Variants in PLXDC2 observed in about 807,000 individuals in gnomAD.
The protein encoded by PLXDC2 is plexin domain-containing protein 2.
Under a neutral mutation model 68.9 loss-of-function variants are expected in PLXDC2, and 40 were observed. That is an observed-to-expected ratio of 0.58 (90% confidence interval 0.45 to 0.76). The LOEUF is 0.76. Ranked by LOEUF, PLXDC2 falls within the 30% of genes least tolerant of loss-of-function variation. PLXDC2 has a pLI of 0.00. For synonymous variants in PLXDC2, 243 were observed against 234.2 expected, an observed-to-expected ratio of 1.04 and a Z score of -0.34; for missense variants, 644 against 661.9, an observed-to-expected ratio of 0.97 and a Z score of 0.30.
chr10:20,026,222 C>T (rs910405050), intron 2 of PLXDC2, among the ~76,000 whole-genome samples: 6 of 151,618 alleles, frequency 4.0e-5, no homozygotes, highest in African/African-American at 1.5e-4. Context: ...AATGCAGAGA[C>T]TATGGTTTTT....
chr10:20,069,008 A>C (rs1386513073), intron 4 of PLXDC2, among the ~76,000 whole-genome samples: 1 of 152,184 alleles, frequency 6.6e-6, no homozygotes, highest in East Asian at 1.9e-4. Flanking sequence ...AAAATGGAAC[A>C]GTAAGTAAAG....
chr10:19,898,527 A>C (rs1169688460), intron 1 of PLXDC2, among the ~76,000 whole-genome samples: 2 of 152,216 alleles, frequency 1.3e-5, no homozygotes, highest in African/African-American at 4.8e-5. Context: ...ACTAATTTTC[A>C]TCTAGTCTGG....
At chr10:19,843,309 T>C (rs556477459) in intron 1 of PLXDC2, among the ~76,000 whole-genome samples, 3 of 152,322 alleles carry the variant, frequency 2.0e-5, no homozygotes, top group Admixed American at 2.0e-4. Flanking sequence ...ATTAATTTGA[T>C]AATTATTCAA....
chr10:20,124,781 T>G (rs1179872905), intron 4 of PLXDC2, among the ~76,000 whole-genome samples: 1 of 152,020 alleles, frequency 6.6e-6, no homozygotes, highest in Non-Finnish European at 1.5e-5. Context: ...AGAAGGAATT[T>G]CACAAGACAT....
chr10:19,865,368 T>G (rs961202761), intron 1 of PLXDC2, among the ~76,000 whole-genome samples: 2 of 152,202 alleles, frequency 1.3e-5, no homozygotes, highest in African/African-American at 4.8e-5. Context: ...TTGTTATTTT[T>G]CAGAAATGTA....
chr10:20,139,299 C>T (rs1301925203), intron 4 of PLXDC2, among the ~76,000 whole-genome samples: 2 of 152,162 alleles, frequency 1.3e-5, no homozygotes, highest in South Asian at 2.1e-4. Flanking sequence ...ATTCAAAGAA[C>T]AAAATATGTT....
At chr10:20,125,158 A>C (rs995467990) in intron 4 of PLXDC2, among the ~76,000 whole-genome samples, 1 of 151,742 alleles carries the variant, frequency 6.6e-6, no homozygotes, top group South Asian at 2.1e-4. Context: ...CCCCCTACCC[A>C]CACACCTGTT....
chr10:19,998,471 C>G (rs1175758359), intron 1 of PLXDC2, among the ~76,000 whole-genome samples: 2 of 152,124 alleles, frequency 1.3e-5, no homozygotes, highest in Non-Finnish European at 2.9e-5. Context: ...AGGATTTCCT[C>G]TATGCACGAC....
intron 1 of PLXDC2, among the ~76,000 whole-genome samples, chr10:19,992,330 T>C (rs575846500): frequency 6.6e-6 from 1 of 152,206 alleles, no homozygotes; most frequent in African/African-American, 2.4e-5. Context: ...TTTCTGGGTT[T>C]ATGATGCAAT....
At chr10:20,085,223 C>A (rs1463911581) in intron 4 of PLXDC2, among the ~76,000 whole-genome samples, 1 of 144,170 alleles carries the variant, frequency 6.9e-6, no homozygotes, top group Non-Finnish European at 1.5e-5. Flanking sequence ...AAAAAAAAAT[C>A]TTAGTTTCAT....
intron 3 of PLXDC2, among the ~76,000 whole-genome samples, chr10:20,055,574 C>T (rs1589607676): frequency 6.6e-6 from 1 of 152,106 alleles, no homozygotes; most frequent in Non-Finnish European, 1.5e-5. Context: ...TTTTTATTTA[C>T]TCTTACGTTT....
At chr10:19,925,339 A>G (rs981404364) in intron 1 of PLXDC2, among the ~76,000 whole-genome samples, 6 of 152,194 alleles carry the variant, frequency 3.9e-5, no homozygotes, top group African/African-American at 1.4e-4. Context: ...CAGTTTTGAA[A>G]GACATATGAC....
rs576166119 is a variant in PLXDC2 at position 19,966,528 on chromosome 10, A to C, written c.113-35247A>C. Among the ~76,000 whole-genome samples the C allele has an allele frequency of 2.0e-5, 3 of 151,278 alleles. No homozygotes were observed. The South Asian group carries it at 6.3e-4, about 32-fold the overall frequency. ...GATATAGAAATAGATCCATATCATA[A>C]TTTGGGTCACATTTTTAAATGGGGT... On this transcript the variant is annotated intron_variant, in intron 1 of 13. Transcript: ENST00000377252.
chr10:20,111,627 A>G (rs1833561843), intron 4 of PLXDC2, among the ~76,000 whole-genome samples: 1 of 152,210 alleles, frequency 6.6e-6, no homozygotes. Flanking sequence ...TCATTGCAGG[A>G]AAGACATGTT....
chr10:19,969,209 T>G (rs1292360944), intron 1 of PLXDC2, among the ~76,000 whole-genome samples: 1 of 152,230 alleles, frequency 6.6e-6, no homozygotes, highest in Non-Finnish European at 1.5e-5. Flanking sequence ...CTGTCTATAC[T>G]GCTAGAAGGT....
rs1335391943 is a variant in PLXDC2, at chr10:19,883,250, C to T, written c.112+66059C>T. Among the ~76,000 whole-genome samples the T allele has an allele frequency of 4.6e-5, 7 of 151,830 alleles. No individual in the cohort carries two copies. The South Asian group carries it at 1.5e-3, about 32-fold the overall frequency. On this transcript the variant is annotated intron_variant, in intron 1 of 13. Coordinates refer to ENST00000377252, the MANE Select transcript of PLXDC2 (RefSeq NM_032812.9). ...GTGCTGGGATTACAGGCGTGAGCCA[C>T]CCCGCCTGGCCACTAAAATTTCTTA...
Position 20,238,602 on chromosome 10 carries a change from G to A in PLXDC2, c.1313-6743G>A, listed in dbSNP as rs529279182. On this transcript the variant is annotated intron_variant, in intron 12 of 13. Coordinates refer to ENST00000377252, the MANE Select transcript of PLXDC2 (RefSeq NM_032812.9). ...GCAGAGGCTGCAGTGAGCCGAGATCGCACCACTGCACTCTAGCTTGGGTGA... is the reference window on the plus strand; with the variant it reads ...GCAGAGGCTGCAGTGAGCCGAGATCACACCACTGCACTCTAGCTTGGGTGA... Among the ~76,000 whole-genome samples the A allele has an allele frequency of 3.3e-4, 48 of 146,776 alleles. No homozygotes were observed. In the South Asian group the frequency reaches 6.3e-3, roughly 19 times the overall value.
At chr10:19,867,040 T>C (rs1455868467) in intron 1 of PLXDC2, among the ~76,000 whole-genome samples, 4 of 151,154 alleles carry the variant, frequency 2.6e-5, no homozygotes, top group African/African-American at 9.7e-5. Flanking sequence ...AGAATGACAA[T>C]TGGAATTCGG....
At chr10:19,920,044 T>G (rs1775139768) in intron 1 of PLXDC2, among the ~76,000 whole-genome samples, 1 of 152,214 alleles carries the variant, frequency 6.6e-6, no homozygotes, top group South Asian at 2.1e-4. Flanking sequence ...CAGCAGTCAG[T>G]GGCTGGAGGT....
Sources: allele counts gnomAD v4.1 joint callset (sites outside exome capture counted in the v4.1 genomes callset), GRCh38; gene constraint gnomAD v4.1.1; transcripts MANE v1.5; gene names NCBI Gene and HGNC (gene_info 2026-07-23, HGNC 2026-07-21).